The following RYR2 variants were observed in gnomAD, a reference collection of about 807,000 sequenced individuals.
RYR2 encodes cardiac muscle ryanodine receptor-calcium release channel.
A neutral mutation model predicts 601.1 loss-of-function variants in RYR2; 227 were observed. The ratio of observed to expected loss-of-function variants is 0.38; its 90% CI spans 0.34 to 0.42. The LOEUF is 0.42. Ranked by LOEUF, RYR2 falls within the 10% of genes least tolerant of loss-of-function variation. RYR2 has a pLI of 1.00. For missense variants in RYR2, 4,646 were observed against 6,156.5 expected (o/e 0.75, Z 8.21); for synonymous variants, 2,223 against 2,175.1 (o/e 1.02, Z -0.61).
intron 24 of RYR2, among the ~76,000 whole-genome samples, chr1:237,520,147 C>T (rs892930713): frequency 7.2e-5 from 11 of 152,064 alleles, no homozygotes; most frequent in Non-Finnish European, 1.6e-4. Context: ...AATTTTTGTA[C>T]ATTGATTTTA....
At chr1:237,694,608 G>A (rs1290993116) in intron 63 of RYR2, among the ~76,000 whole-genome samples, 1 of 152,092 alleles carries the variant, frequency 6.6e-6, no homozygotes, top group East Asian at 1.9e-4. Context: ...TGCCTATAAT[G>A]AAAGTAATAA....
chr1:237,254,455 T>C (rs558256565), intron 1 of RYR2, among the ~76,000 whole-genome samples: 3 of 152,374 alleles, frequency 2.0e-5, no homozygotes, highest in Admixed American at 6.5e-5. Context: ...TATCTCTCTT[T>C]AAAATGTGAT....
chr1:237,068,526 C>T (rs1480283722), intron 1 of RYR2, among the ~76,000 whole-genome samples: 1 of 152,120 alleles, frequency 6.6e-6, no homozygotes, highest in African/African-American at 2.4e-5. Flanking sequence ...TGTGGTTTCA[C>T]ATTTTCACTG....
chr1:237,792,398 C>CGTGT lies in RYR2; in HGVS notation c.13782+98_13782+101dup, dbSNP rs71162418. 1.9e-3 allele frequency: 946 copies of CGTGT among 489,650 alleles called. 5 individuals carry two copies. Among genetic ancestry groups the CGTGT allele is most frequent in the African/African-American group, 2.4e-3 (88 of 37,354 alleles). 30.3% of individuals were successfully genotyped at this position (489,650 alleles called of 1,614,324 possible). A position where few individuals can be genotyped will look rare whatever the true frequency, so the allele number is the denominator to read the frequency against. On this transcript the variant is annotated intron_variant, in intron 94 of 104. Coordinates refer to ENST00000366574, the MANE Select transcript of RYR2 (RefSeq NM_001035.3). ...GTGTGTGTGCGTGTGTGTGTGTGTG[C>CGTGT]GTGTGTGTGTGTGTGTGTGTGTGTG...
chr1:237,217,491 C>T (rs112308505), intron 1 of RYR2, among the ~76,000 whole-genome samples: 5 of 152,128 alleles, frequency 3.3e-5, no homozygotes, highest in African/African-American at 4.8e-5. Flanking sequence ...GACTGCACAT[C>T]GCATAACAGC....
Position 237,042,457 on chromosome 1 carries a change from G to T in RYR2, c.-65G>T. ...CAGCAGAAGCAGAAGGCAGCGCCAGGGGCCGCCGCCGCCGCCGAGCTCCGC... is the reference window on the plus strand; with the variant it reads ...CAGCAGAAGCAGAAGGCAGCGCCAGTGGCCGCCGCCGCCGCCGAGCTCCGC... On this transcript the variant is annotated 5_prime_UTR_variant, in exon 1 of 105. Transcript: ENST00000366574. The T allele has an allele frequency of 8.1e-7, 1 of 1,227,852 alleles. No homozygotes were observed. Among genetic ancestry groups the T allele is most frequent in the Non-Finnish European group, 1.0e-6 (1 of 974,380 alleles). 76.1% of individuals were successfully genotyped at this position (1,227,852 alleles called of 1,614,324 possible). A position where few individuals can be genotyped will look rare whatever the true frequency, so the allele number is the denominator to read the frequency against.
At chr1:237,632,007 A>T (rs1222871943) in intron 42 of RYR2, among the ~76,000 whole-genome samples, 3 of 152,044 alleles carry the variant, frequency 2.0e-5, no homozygotes, top group Non-Finnish European at 4.4e-5. Flanking sequence ...TTTTTGAAAA[A>T]AACACACAAA....
chr1:237,290,243 G>A (rs1405811396), intron 2 of RYR2, among the ~76,000 whole-genome samples: 2 of 152,198 alleles, frequency 1.3e-5, no homozygotes, highest in African/African-American at 4.8e-5. Context: ...TAAGGAAAGT[G>A]ACAGATGCAG....
At chr1:237,599,806 C>A (rs1478810187) in intron 34 of RYR2, among the ~76,000 whole-genome samples, 2 of 53,368 alleles carry the variant, frequency 3.7e-5, no homozygotes, top group African/African-American at 7.5e-5. Context: ...GAGACTCCAT[C>A]TCAAAAAAAA....
intron 1 of RYR2, among the ~76,000 whole-genome samples, chr1:237,123,184 T>C (rs538632847): frequency 4.1e-4 from 62 of 152,188 alleles, no homozygotes; most frequent in Non-Finnish European, 5.6e-4. Context: ...TATGCACATA[T>C]CATATACTCC....
chr1:237,316,341 T>C (rs1309698835), intron 2 of RYR2, among the ~76,000 whole-genome samples: 1 of 152,222 alleles, frequency 6.6e-6, no homozygotes, highest in Non-Finnish European at 1.5e-5. Flanking sequence ...CAGTAGTTTC[T>C]TAAATTGTCA....
chr1:237,705,705 C>T (rs115354902), intron 67 of RYR2, among the ~76,000 whole-genome samples: 290 of 152,222 alleles, frequency 1.9e-3, no homozygotes, highest in Non-Finnish European at 3.4e-3. Flanking sequence ...GGGTGACTGA[C>T]TGGATAATGT....
chr1:237,509,661 A>G (rs1665677370), intron 23 of RYR2, among the ~76,000 whole-genome samples: 1 of 152,230 alleles, frequency 6.6e-6, no homozygotes, highest in Admixed American at 6.5e-5. Flanking sequence ...CTTGACTTTT[A>G]AGGTATTATG....
At chr1:237,575,562 A>C (rs1487492254) in intron 29 of RYR2, among the ~76,000 whole-genome samples, 1 of 151,998 alleles carries the variant, frequency 6.6e-6, no homozygotes, top group Non-Finnish European at 1.5e-5. Context: ...TACCTATATA[A>C]ATTTCCATCC....
chr1:237,437,003 A>G (rs916839529), intron 12 of RYR2, among the ~76,000 whole-genome samples: 1 of 151,362 alleles, frequency 6.6e-6, no homozygotes, highest in African/African-American at 2.4e-5. Flanking sequence ...TTTCAGACCA[A>G]TCGTTTTTAC....
chr1:237,661,605 T>C (rs767803260), intron 56 of RYR2, among the ~76,000 whole-genome samples: 2 of 152,194 alleles, frequency 1.3e-5, no homozygotes, highest in Non-Finnish European at 2.9e-5. Flanking sequence ...CTATAGGGCT[T>C]TCTTCTCATT....
chr1:237,587,016 G>T (rs2148411956), intron 29 of RYR2, among the ~76,000 whole-genome samples: 1 of 152,250 alleles, frequency 6.6e-6, no homozygotes, highest in Non-Finnish European at 1.5e-5. Flanking sequence ...GGCCCAGCCA[G>T]TATAACTTCT....
rs79507131 is a variant in RYR2 at position 237,760,871 on chromosome 1, T to G, written c.11403-84T>G. On this transcript the variant is annotated intron_variant, in intron 83 of 104. Transcript: ENST00000366574. ...AACATTTGCTTCATCTTCCAAGATATATGGTGTTTAGATGTTTGCTCTCCT... is the reference window on the plus strand; with the variant it reads ...AACATTTGCTTCATCTTCCAAGATAGATGGTGTTTAGATGTTTGCTCTCCT... The G allele has an allele frequency of 9.8e-4, 793 of 805,682 alleles. 1 individual carries two copies. Among genetic ancestry groups the G allele is most frequent in the Non-Finnish European group, 1.5e-3 (735 of 483,566 alleles). The allele number at this position is 805,682 out of a possible 1,614,324, so 49.9% of individuals were successfully genotyped here.
At chr1:237,638,541 A>G in intron 45 of RYR2, 49 bp downstream of exon 45, 1 of 1,587,700 alleles carries the variant, frequency 6.3e-7, no homozygotes, top group South Asian at 1.1e-5. Flanking sequence ...AAAACTGCAT[A>G]GAGATATAAT....
Sources: allele counts gnomAD v4.1 joint callset (sites outside exome capture counted in the v4.1 genomes callset), GRCh38; gene constraint gnomAD v4.1.1; transcripts MANE v1.5; gene names NCBI Gene and HGNC (gene_info 2026-07-23, HGNC 2026-07-21).